EFTUD2: variants seen among roughly 807,000 people sequenced by gnomAD.
EFTUD2 encodes 116 kDa U5 small nuclear ribonucleoprotein component.
A neutral mutation model predicts 114.3 loss-of-function variants in EFTUD2; 9 were observed. The ratio of observed to expected loss-of-function variants is 0.08; its 90% CI spans 0.05 to 0.14. The LOEUF (loss-of-function observed/expected upper bound fraction) is 0.14, where lower values mean the gene tolerates loss of function less well. Among genes scored for constraint, EFTUD2 ranks in the 10% least tolerant of loss-of-function variants. EFTUD2 has a pLI of 1.00. For synonymous variants in EFTUD2, 449 were observed against 462.3 expected, an observed-to-expected ratio of 0.97 and a Z score of 0.37; for missense variants, 765 against 1,241.2, an observed-to-expected ratio of 0.62 and a Z score of 5.76.
chr17:44,851,442 G>A, intron 27 of EFTUD2, 73 bp from the exon 28 acceptor site: 3 of 1,268,962 alleles, frequency 2.4e-6, no homozygotes, highest in Non-Finnish European at 3.4e-6. Flanking sequence ...TCCAAGACCT[G>A]TGTTCAGTGG....
chr17:44,887,921 C>G (rs969024625), intron 2 of EFTUD2, among the ~76,000 whole-genome samples: 6 of 152,168 alleles, frequency 3.9e-5, no homozygotes, highest in African/African-American at 1.4e-4. Context: ...TCTAAGGTGG[C>G]CACCAGATCA....
chr17:44,868,509 G>A, intron 11 of EFTUD2, 159 bp from the exon 12 acceptor site: 1 of 628,904 alleles, frequency 1.6e-6, no homozygotes, highest in Non-Finnish European at 2.7e-6. Flanking sequence ...AGGACACTGA[G>A]GCACAAAGAA....
chr17:44,867,142 A>G (rs576800944), intron 13 of EFTUD2, among the ~76,000 whole-genome samples: 1 of 152,258 alleles, frequency 6.6e-6, no homozygotes, highest in Non-Finnish European at 1.5e-5. Context: ...ACTTATATGA[A>G]TAAGCAGGAG....
At chr17:44,875,879 G>A (rs1349693288) in intron 10 of EFTUD2, 55 bp downstream of exon 10, 1 of 1,587,384 alleles carries the variant, frequency 6.3e-7, no homozygotes, top group African/African-American at 1.3e-5. Flanking sequence ...GAGGTATTCA[G>A]GGTTAAAACC....
intron 1 of EFTUD2, among the ~76,000 whole-genome samples, chr17:44,897,331 T>TGAA (rs1419662022): frequency 2.0e-5 from 3 of 152,176 alleles, no homozygotes; most frequent in African/African-American, 7.2e-5. Context: ...CACCTGCTTC[T>TGAA]TCTCTTCACT....
chr17:44,882,262 C>A (rs1247605583), intron 6 of EFTUD2, among the ~76,000 whole-genome samples: 4 of 151,424 alleles, frequency 2.6e-5, no homozygotes, highest in African/African-American at 9.7e-5. Flanking sequence ...GTGATTTTGT[C>A]TTTTTTTGAG....
intron 19 of EFTUD2, among the ~76,000 whole-genome samples, chr17:44,857,920 C>CTTTTTTTTT (rs528299306): frequency 0.014 from 1,845 of 127,356 alleles, 98 homozygotes; most frequent in African/African-American, 0.052. Flanking sequence ...TTTCTTTTTC[C>CTTTTTTTTT]TTTTTTTTTT....
intron 17 of EFTUD2, 117 bp from the exon 18 acceptor site, chr17:44,860,162 G>C: frequency 6.9e-7 from 1 of 1,457,034 alleles, no homozygotes; most frequent in Admixed American, 1.9e-5. Flanking sequence ...CCCCAACCAG[G>C]AGCCTGGTGC....
chr17:44,894,839 G>A (rs2051349277), intron 1 of EFTUD2, among the ~76,000 whole-genome samples: 1 of 152,192 alleles, frequency 6.6e-6, no homozygotes, highest in Non-Finnish European at 1.5e-5. Context: ...ATGGGGCGTG[G>A]GGGGCGCTCC....
intron 1 of EFTUD2, among the ~76,000 whole-genome samples, chr17:44,895,131 C>T (rs1025225445): frequency 6.6e-6 from 1 of 152,098 alleles, no homozygotes; most frequent in Non-Finnish European, 1.5e-5. Flanking sequence ...GGGAAAAAGT[C>T]AAAAGAAAAA....
chr17:44,889,147 G>A (rs1473263379), intron 2 of EFTUD2, among the ~76,000 whole-genome samples: 1 of 152,136 alleles, frequency 6.6e-6, no homozygotes, highest in African/African-American at 2.4e-5. Flanking sequence ...AGGAGGGAAT[G>A]ATCGGCTGGG....
In EFTUD2 at chr17:44,886,760, A is replaced by G; in HGVS notation, c.106-10T>C. On this transcript the variant is annotated splice_polypyrimidine_tract_variant and intron_variant, in intron 2 of 27. Transcript: ENST00000426333. The stretch of plus-strand genomic sequence containing the variant: ...CGTCATCATCATCCATCTGAAAGCA[A>G]GAGGGAGAGGGAGAATCGAAGAGGC... The G allele has an allele frequency of 1.2e-6, 2 of 1,610,448 alleles. No individual in the cohort carries two copies. The highest frequency in any genetic ancestry group is 1.7e-6 in the Non-Finnish European group (2 of 1,178,618).
intron 13 of EFTUD2, 196 bp from the exon 14 acceptor site, chr17:44,865,261 G>A: frequency 1.5e-6 from 1 of 652,814 alleles, no homozygotes; most frequent in Non-Finnish European, 2.4e-6. Context: ...CACAGGCAAA[G>A]CCAACTTGGT....
chr17:44,869,623 T>A (rs2050811275), intron 11 of EFTUD2, among the ~76,000 whole-genome samples: 1 of 152,156 alleles, frequency 6.6e-6, no homozygotes, highest in Non-Finnish European at 1.5e-5. Context: ...TCTCCTTGGT[T>A]AAACATTCCA....
intron 11 of EFTUD2, chr17:44,868,604 T>C (rs543667902): frequency 2.3e-5 from 11 of 471,980 alleles, no homozygotes; most frequent in East Asian, 1.7e-4. Context: ...AGCACTAGGA[T>C]TGAACTATGG....
At chr17:44,880,444 G>A in intron 8 of EFTUD2, 110 bp downstream of exon 8, 4 of 719,734 alleles carry the variant, frequency 5.6e-6, no homozygotes, top group Non-Finnish European at 9.4e-6. Flanking sequence ...CAATGAAGGT[G>A]AGGGAATGTA....
At chr17:44,852,908 C>T (rs560044154) in intron 25 of EFTUD2, among the ~76,000 whole-genome samples, 2 of 150,976 alleles carry the variant, frequency 1.3e-5, no homozygotes, top group East Asian at 2.0e-4. Flanking sequence ...TGAGACAGAG[C>T]CTTGCTCTGT....
chr17:44,878,529 G>T (rs2051012326), intron 9 of EFTUD2, among the ~76,000 whole-genome samples: 2 of 152,208 alleles, frequency 1.3e-5, no homozygotes, highest in South Asian at 2.1e-4. Context: ...TGCAAAAAAA[G>T]ATCTGTACAA....
intron 23 of EFTUD2, chr17:44,853,962 T>A: frequency 1.5e-6 from 2 of 1,359,180 alleles, no homozygotes; most frequent in Non-Finnish European, 1.9e-6. Context: ...TGAAGCCCAA[T>A]CAGGGTCTAT....
Sources: allele counts gnomAD v4.1 joint callset (sites outside exome capture counted in the v4.1 genomes callset), GRCh38; gene constraint gnomAD v4.1.1; transcripts MANE v1.5; gene names NCBI Gene and HGNC (gene_info 2026-07-23, HGNC 2026-07-21).